PLS3: variants seen among roughly 807,000 people sequenced by gnomAD.
The protein encoded by PLS3 is plastin-3.
In PLS3, 11 loss-of-function variants were observed where a neutral mutation model predicts 46.5. The observed-to-expected ratio is 0.24, with a 90% confidence interval of 0.15 to 0.39. The LOEUF (loss-of-function observed/expected upper bound fraction) is 0.39. PLS3 is among the 10% of genes least tolerant of loss of function. The pLI, the probability that PLS3 is intolerant of heterozygous loss-of-function variation, is 1.00. For missense variants in PLS3, 308 were observed against 461.8 expected, an observed-to-expected ratio of 0.67 and a Z score of 3.05; for synonymous variants, 167 against 162.2, an observed-to-expected ratio of 1.03 and a Z score of -0.22.
intron 9 of PLS3, among the ~76,000 whole-genome samples, chrX:115,642,198 GA>G (rs199863816): frequency 0.028 from 3,111 of 109,632 alleles, 105 homozygotes; most frequent in African/African-American, 0.096. Context: ...TTTTAACTCT[GA>G]ACAGTTTTAC....
intron 1 of PLS3, among the ~76,000 whole-genome samples, chrX:115,579,587 T>C (rs782237079): frequency 8.9e-6 from 1 of 112,242 alleles, no homozygotes; most frequent in South Asian, 3.7e-4. Context: ...CTGTTTTTCA[T>C]TTTAGCCATT....
intron 10 of PLS3, among the ~76,000 whole-genome samples, chrX:115,644,048 A>G (rs782045911): frequency 1.0e-3 from 115 of 111,143 alleles, no homozygotes; most frequent in Non-Finnish European, 1.6e-3. Flanking sequence ...ATTTAGTTTT[A>G]ATATTTAGGG....
intron 2 of PLS3, chrX:115,611,012 T>G (rs901958931): frequency 2.2e-6 from 1 of 464,300 alleles, no homozygotes; most frequent in African/African-American, 2.4e-5. Flanking sequence ...AGCCTACTTA[T>G]GTAAATACAT....
At chrX:115,647,528 T>C in intron 13 of PLS3, 22 bp from the exon 14 acceptor site, 9 of 1,192,971 alleles carry the variant, frequency 7.5e-6, no homozygotes, top group Non-Finnish European at 1.0e-5. Flanking sequence ...ATGGTGACGT[T>C]TTCTTCTGCT....
At chrX:115,583,044 A>AAAAAG (rs1192481329) in intron 1 of PLS3, among the ~76,000 whole-genome samples, 1 of 112,209 alleles carries the variant, frequency 8.9e-6, no homozygotes. Flanking sequence ...TGTCTTTAAA[A>AAAAAG]AAAAGAAAAG....
At chrX:115,573,466 A>C (rs2074229440) in intron 1 of PLS3, among the ~76,000 whole-genome samples, 2 of 112,337 alleles carry the variant, frequency 1.8e-5, no homozygotes, top group African/African-American at 6.5e-5. Flanking sequence ...CAGCTTTACT[A>C]AATTGTAGAT....
chrX:115,617,367 G>A (rs1235340475), intron 2 of PLS3, among the ~76,000 whole-genome samples: 1 of 111,581 alleles, frequency 9.0e-6, no homozygotes, highest in African/African-American at 3.3e-5. Context: ...AAGGGAATGA[G>A]ATTGAATGTT....
chrX:115,606,251 C>G lies in PLS3; in HGVS notation c.-8-3992C>G, dbSNP rs923698290. On this transcript the variant is annotated intron_variant, in intron 1 of 15. Coordinates refer to ENST00000355899, the MANE Select transcript of PLS3 (RefSeq NM_005032.7). ...CTCTCAGGCTCAAGTGATTCTCCCA[C>G]TTCAACCTCCAGAGTAGCTGGGATT... Among the ~76,000 whole-genome samples the G allele has an allele frequency of 5.4e-5, 5 of 93,309 alleles. No individual in the cohort carries two copies. The Admixed American group carries it at 6.3e-4, about 12-fold the overall frequency. 81.0% of individuals were successfully genotyped at this position (93,309 alleles called of 115,157 possible). A position where few individuals can be genotyped will look rare whatever the true frequency, so the allele number is the denominator to read the frequency against.
intron 5 of PLS3, among the ~76,000 whole-genome samples, chrX:115,631,045 T>TTTTA (rs782697080): frequency 1.1e-5 from 1 of 94,620 alleles, no homozygotes; most frequent in African/African-American, 4.0e-5. Flanking sequence ...TAATATAACA[T>TTTTA]TATATATATA....
chrX:115,581,996 T>C (rs2074281749), intron 1 of PLS3, among the ~76,000 whole-genome samples: 2 of 112,320 alleles, frequency 1.8e-5, no homozygotes, highest in African/African-American at 6.5e-5. Flanking sequence ...AATGCAAAAC[T>C]ATAATTTAGA....
intron 1 of PLS3, among the ~76,000 whole-genome samples, chrX:115,607,287 C>CA (rs60614726): frequency 7.5e-5 from 8 of 106,803 alleles, no homozygotes; most frequent in African/African-American, 2.7e-4. Context: ...ACAACAACAA[C>CA]AAAAAAAAAA....
chrX:115,638,334 C>T, intron 8 of PLS3, among the ~76,000 whole-genome samples: 1 of 111,933 alleles, frequency 8.9e-6, no homozygotes, highest in Non-Finnish European at 1.9e-5. Context: ...TGGTCTCAAA[C>T]TCCTGACCTC....
At chrX:115,635,650 C>CAAAAAAAA (rs10606256) in intron 7 of PLS3, among the ~76,000 whole-genome samples, 10 of 21,576 alleles carry the variant, frequency 4.6e-4, no homozygotes, top group East Asian at 1.9e-3. Context: ...GACTCTGTCT[C>CAAAAAAAA]AAAAAAAAAA....
intron 15 of PLS3, among the ~76,000 whole-genome samples, chrX:115,648,657 G>C (rs187900457): frequency 9.0e-6 from 1 of 111,331 alleles, no homozygotes; most frequent in Non-Finnish European, 1.9e-5. Context: ...CTGCATTACC[G>C]AACAGCTAAG....
At chrX:115,592,842 A>G (rs1007928870) in intron 1 of PLS3, among the ~76,000 whole-genome samples, 2 of 111,078 alleles carry the variant, frequency 1.8e-5, no homozygotes, top group Non-Finnish European at 3.8e-5. Flanking sequence ...GTTTTAAGCA[A>G]TTTGCACAGT....
At chrX:115,572,853 G>A (rs1173267029) in intron 1 of PLS3, among the ~76,000 whole-genome samples, 4 of 110,910 alleles carry the variant, frequency 3.6e-5, no homozygotes, top group Non-Finnish European at 7.5e-5. Context: ...CAGCAATTAG[G>A]GAGGCCGAGG....
At chrX:115,620,631 G>A (rs903021863) in intron 2 of PLS3, among the ~76,000 whole-genome samples, 1 of 108,624 alleles carries the variant, frequency 9.2e-6, no homozygotes, top group South Asian at 4.1e-4. Context: ...TCCAGTTATG[G>A]CAATCAAAAA....
At chrX:115,600,915 A>C (rs1297621927) in intron 1 of PLS3, among the ~76,000 whole-genome samples, 1 of 110,769 alleles carries the variant, frequency 9.0e-6, no homozygotes, top group Admixed American at 9.7e-5. Flanking sequence ...AGAGTATTCT[A>C]AGCATGAGAC....
intron 1 of PLS3, among the ~76,000 whole-genome samples, chrX:115,599,336 CAAAAAAA>C (rs1226830291): frequency 9.3e-5 from 3 of 32,423 alleles, no homozygotes; most frequent in Non-Finnish European, 1.3e-4. Context: ...CCTGTCTCTA[CAAAAAAA>C]AAAAAAAAAA....
Sources: allele counts gnomAD v4.1 joint callset (sites outside exome capture counted in the v4.1 genomes callset), GRCh38; gene constraint gnomAD v4.1.1; transcripts MANE v1.5; gene names NCBI Gene and HGNC (gene_info 2026-07-23, HGNC 2026-07-21).